URGCP: variants seen among roughly 807,000 people sequenced by gnomAD.
URGCP encodes up-regulator of cell proliferation.
A neutral mutation model predicts 24.6 loss-of-function variants in URGCP; 13 were observed. That is an observed-to-expected ratio of 0.53 (90% CI 0.34 to 0.84). The LOEUF (loss-of-function observed/expected upper bound fraction) is 0.84. URGCP is among the 40% of genes least tolerant of loss of function. URGCP has a pLI of 0.01. For missense variants in URGCP, 899 were observed against 1,194.3 expected, an observed-to-expected ratio of 0.75 and a Z score of 3.64; for synonymous variants, 444 against 487.2, an observed-to-expected ratio of 0.91 and a Z score of 1.17.
At chr7:43,897,233 T>G (rs1317702674) in intron 1 of URGCP, among the ~76,000 whole-genome samples, 1 of 143,462 alleles carries the variant, frequency 7.0e-6, no homozygotes, top group Admixed American at 6.9e-5. Context: ...TAAATAAAAA[T>G]TTAAAAGGCT....
chr7:43,901,489 T>A (rs2132703826), intron 1 of URGCP, among the ~76,000 whole-genome samples: 1 of 152,316 alleles, frequency 6.6e-6, no homozygotes, highest in East Asian at 1.9e-4. Context: ...CAATCCCACA[T>A]CCGTGAGCAG....
rs537476897 is a variant in URGCP at position 43,885,243 on chromosome 7, G to A, written c.112+2172C>T. On this transcript the variant is annotated intron_variant, in intron 3 of 5. Coordinates refer to ENST00000453200, the MANE Select transcript of URGCP (RefSeq NM_001077663.3). ...AACCTCCCGAGTAGCTAAGACTACA[G>A]GCGCCCACCATCCCTCCCAGCTAAT... is the stretch of plus-strand genomic sequence containing the variant. 2.0e-5 allele frequency among the ~76,000 whole-genome samples: 3 copies of A among 152,124 alleles called. No individual in the cohort carries two copies. The East Asian group carries it at 5.8e-4, about 29-fold the overall frequency.
intron 1 of URGCP, among the ~76,000 whole-genome samples, chr7:43,903,133 A>AG (rs1486970304): frequency 6.6e-6 from 1 of 151,634 alleles, no homozygotes; most frequent in African/African-American, 2.4e-5. Flanking sequence ...AAAAAAAAAA[A>AG]AAAGAGAGAG....
At chr7:43,903,833 G>C (rs1283479888) in intron 1 of URGCP, among the ~76,000 whole-genome samples, 1 of 152,196 alleles carries the variant, frequency 6.6e-6, no homozygotes, top group Non-Finnish European at 1.5e-5. Flanking sequence ...CACTAAAACA[G>C]ATGTGACCAT....
At chr7:43,914,616 T>TGA (rs2095913607) in intron 1 of URGCP, among the ~76,000 whole-genome samples, 1 of 152,218 alleles carries the variant, frequency 6.6e-6, no homozygotes, top group South Asian at 2.1e-4. Context: ...GAATAGAGGC[T>TGA]GAGTAAAATA....
chr7:43,908,478 C>G (rs1283014311), upstream of URGCP, among the ~76,000 whole-genome samples: 1 of 152,146 alleles, frequency 6.6e-6, no homozygotes, highest in African/African-American at 2.4e-5. Flanking sequence ...ACAAGCTGAA[C>G]TGAAGAAGTC....
chr7:43,882,639 AC>A (rs2095855784), intron 3 of URGCP, among the ~76,000 whole-genome samples: 1 of 151,858 alleles, frequency 6.6e-6, no homozygotes, highest in Non-Finnish European at 1.5e-5. Flanking sequence ...ACAACAAAAA[AC>A]GTCAAGTGAC....
chr7:43,890,099 T>G lies in URGCP; in HGVS notation c.15-2283A>C, dbSNP rs544377088. Among the ~76,000 whole-genome samples the G allele has an allele frequency of 3.3e-5, 5 of 151,788 alleles. No homozygotes were observed. The East Asian group carries it at 9.7e-4, about 29-fold the overall frequency. Reference sequence around the variant, plus strand: ...TTTGTATTTTTAATAGAGACAGGGTTTCACCATATTGGTCAGGCTGGTCTT... The same window carrying G: ...TTTGTATTTTTAATAGAGACAGGGTGTCACCATATTGGTCAGGCTGGTCTT... On this transcript the variant is annotated intron_variant, in intron 1 of 5. Coordinates refer to ENST00000453200, the MANE Select transcript of URGCP (RefSeq NM_001077663.3).
Position 43,919,374 on chromosome 7 carries a change from T to C in URGCP, c.-116+6758A>G, listed in dbSNP as rs1045853112. On this transcript the variant is annotated intron_variant, in intron 1 of 5. Coordinates refer to the URGCP transcript ENST00000426198. Reference sequence around the variant, plus strand: ...CCTGCACATCCAGAACCCATCCTTCTCTCAGACCAACCAGCTGGTGTCCAC... The same window carrying C: ...CCTGCACATCCAGAACCCATCCTTCCCTCAGACCAACCAGCTGGTGTCCAC... The C allele has an allele frequency of 3.5e-6, 3 of 855,290 alleles. No individual in the cohort carries two copies. In the African/African-American group the frequency reaches 5.0e-5, roughly 14 times the overall value. 53.0% of individuals were successfully genotyped at this position (855,290 alleles called of 1,614,324 possible).
rs1375894359 is a variant in URGCP at position 43,905,938 on chromosome 7, T to A, written c.14+624A>T. The A allele has an allele frequency of 2.0e-5, 3 of 152,104 alleles. No homozygotes were observed. In the East Asian group the frequency reaches 5.8e-4, roughly 29 times the overall value. 9.4% of individuals were successfully genotyped at this position (152,104 alleles called of 1,614,324 possible). ...AGGAATAACATTTAAATCAAAAAAGTTGAAAAGAGGTAATATCAAAATAAG... is the reference window on the plus strand; with the variant it reads ...AGGAATAACATTTAAATCAAAAAAGATGAAAAGAGGTAATATCAAAATAAG... On this transcript the variant is annotated intron_variant, in intron 1 of 5. Coordinates refer to ENST00000453200, the MANE Select transcript of URGCP (RefSeq NM_001077663.3).
intron 1 of URGCP, 105 bp from the exon 2 acceptor site, chr7:43,887,921 T>C (rs2132669173): frequency 2.7e-6 from 2 of 731,628 alleles, no homozygotes; most frequent in Admixed American, 3.0e-5. Flanking sequence ...AACGGAATTA[T>C]GGTCAAATTC....
chr7:43,888,541 C>T (rs899061139), intron 1 of URGCP: 3 of 150,668 alleles, frequency 2.0e-5, no homozygotes, highest in African/African-American at 7.3e-5. Flanking sequence ...TTAGATGTAT[C>T]ATAGAGTGAG....
chr7:43,889,822 T>C (rs575391935), intron 1 of URGCP, among the ~76,000 whole-genome samples: 1 of 152,300 alleles, frequency 6.6e-6, no homozygotes, highest in South Asian at 2.1e-4. Flanking sequence ...GTACACACCC[T>C]ACTTCACTAT....
upstream of URGCP, chr7:43,926,476 G>GCGGGCCGCCTCAGGCAGCCCCGGC: frequency 7.0e-7 from 1 of 1,419,046 alleles, no homozygotes; most frequent in Non-Finnish European, 9.3e-7. Context: ...TGAGCCGGCA[G>GCGGGCCGCCTCAGGCAGCCCCGGC]CGGGCCGCCT....
intron 5 of URGCP, chr7:43,881,337 A>G: frequency 1.5e-6 from 1 of 667,586 alleles, no homozygotes; most frequent in Non-Finnish European, 2.7e-6. Flanking sequence ...ATTAGAATCA[A>G]TCACTTCAGG....
chr7:43,890,413 T>C (rs2132675157), intron 1 of URGCP, among the ~76,000 whole-genome samples: 1 of 150,406 alleles, frequency 6.6e-6, no homozygotes. Context: ...AGACGGGGTT[T>C]CACCATGTTA....
At chr7:43,889,957 T>G (rs1016140746) in intron 1 of URGCP, among the ~76,000 whole-genome samples, 1 of 151,736 alleles carries the variant, frequency 6.6e-6, no homozygotes, top group African/African-American at 2.4e-5. Flanking sequence ...CAGGTTGGAG[T>G]GCAGTGGTGT....
chr7:43,916,796 C>A (rs1164552052), intron 1 of URGCP, among the ~76,000 whole-genome samples: 8 of 135,314 alleles, frequency 5.9e-5, no homozygotes, highest in Non-Finnish European at 1.2e-4. Context: ...CTCAGGGATA[C>A]AAGGACAAAA....
chr7:43,916,212 C>T (rs1031487113), intron 1 of URGCP, among the ~76,000 whole-genome samples: 9 of 152,158 alleles, frequency 5.9e-5, no homozygotes, highest in African/African-American at 1.4e-4. Flanking sequence ...TTACTTAGAA[C>T]GGCGAGGACT....
Sources: gnomAD v4.1 joint callset for allele counts (sites outside exome capture counted in the v4.1 genomes callset) on GRCh38, gnomAD v4.1.1 for gene constraint, MANE v1.5 for transcripts, NCBI Gene and HGNC (gene_info 2026-07-23, HGNC 2026-07-21) for gene names.